Variants in SFMBT2 observed in about 807,000 individuals in gnomAD.
The protein encoded by SFMBT2 is scm-like with four MBT domains protein 2.
In SFMBT2, 38 loss-of-function variants were observed where a neutral mutation model predicts 110.1. That is an observed-to-expected ratio of 0.35 (90% CI 0.27 to 0.45). The LOEUF is 0.45. SFMBT2 is among the 20% of genes least tolerant of loss of function. SFMBT2 has a pLI of 1.00. For synonymous variants in SFMBT2, 425 were observed against 425.4 expected, an observed-to-expected ratio of 1.00 and a Z score of 0.01; for missense variants, 1,011 against 1,094.9, an observed-to-expected ratio of 0.92 and a Z score of 1.08.
intron 4 of SFMBT2, among the ~76,000 whole-genome samples, chr10:7,345,961 T>TA (rs1251684143): frequency 6.6e-6 from 1 of 152,220 alleles, no homozygotes; most frequent in Non-Finnish European, 1.5e-5. Context: ...GACTCTGGAA[T>TA]AACGGGTCAC....
At chr10:7,351,614 A>G (rs1844317263) in intron 4 of SFMBT2, among the ~76,000 whole-genome samples, 1 of 152,232 alleles carries the variant, frequency 6.6e-6, no homozygotes, top group Non-Finnish European at 1.5e-5. Flanking sequence ...TTTCATAAGC[A>G]AATGGCTGAG....
chr10:7,249,983 A>G (rs1370154597), intron 7 of SFMBT2, among the ~76,000 whole-genome samples: 2 of 152,134 alleles, frequency 1.3e-5, no homozygotes, highest in Admixed American at 1.3e-4. Context: ...GGAACTGGCC[A>G]CTCTAAATAT....
intron 9 of SFMBT2, 56 bp downstream of exon 9, chr10:7,243,502 A>G: frequency 1.2e-6 from 1 of 854,840 alleles, no homozygotes; most frequent in South Asian, 1.3e-5. Context: ...TACTTCAATG[A>G]CAGTAAGACA....
At chr10:7,271,018 C>T (rs796654328) in intron 7 of SFMBT2, among the ~76,000 whole-genome samples, 13 of 152,240 alleles carry the variant, frequency 8.5e-5, no homozygotes, top group African/African-American at 3.1e-4. Flanking sequence ...GGCATGGTGG[C>T]TCACGCCTAT....
intron 16 of SFMBT2, 113 bp downstream of exon 16, chr10:7,188,511 C>A: frequency 1.3e-6 from 1 of 773,854 alleles, no homozygotes; most frequent in Admixed American, 2.8e-5. Flanking sequence ...GAACGAACGT[C>A]CTTCAGTTTG....
intron 6 of SFMBT2, 55 bp from the exon 7 acceptor site, chr10:7,277,044 G>A: frequency 1.2e-6 from 1 of 817,012 alleles, no homozygotes; most frequent in Non-Finnish European, 2.2e-6. Context: ...TCTGCCGGGT[G>A]ACTCTTTCCT....
chr10:7,210,639 G>C (rs1228828306), intron 11 of SFMBT2, among the ~76,000 whole-genome samples: 2 of 152,218 alleles, frequency 1.3e-5, no homozygotes, highest in Non-Finnish European at 2.9e-5. Flanking sequence ...AGTGTGAGAT[G>C]AACAGGCAAA....
At position 7,213,514 on chromosome 10, in the gene SFMBT2, G is replaced by T. The variant is rs115970828; in HGVS notation, c.1330+6897C>A. 4.5e-3 allele frequency among the ~76,000 whole-genome samples: 685 copies of T among 152,296 alleles called. 8 individuals are homozygous for T. The highest frequency in any genetic ancestry group is 0.015 in the African/African-American group (642 of 41,562). Reference sequence around the variant, plus strand: ...ATTATTGTAGAGTTTCTAACTTTGAGGATGCCGTGGCTTCCGACTTGGGTG... The same window carrying T: ...ATTATTGTAGAGTTTCTAACTTTGATGATGCCGTGGCTTCCGACTTGGGTG... On this transcript the variant is annotated intron_variant, in intron 11 of 20. Transcript: ENST00000397167.
chr10:7,340,102 T>A (rs751900201), intron 4 of SFMBT2, among the ~76,000 whole-genome samples: 3 of 152,208 alleles, frequency 2.0e-5, no homozygotes, highest in African/African-American at 4.8e-5. Flanking sequence ...CCGGCCTCAA[T>A]CCCAGCATTT....
At chr10:7,375,792 C>CAA (rs1266126258) in intron 2 of SFMBT2, among the ~76,000 whole-genome samples, 1 of 144,146 alleles carries the variant, frequency 6.9e-6, no homozygotes, top group African/African-American at 2.7e-5. Context: ...CACACACACA[C>CAA]ACACACACAA....
At chr10:7,348,291 G>T (rs747393264) in intron 4 of SFMBT2, 9 of 1,525,740 alleles carry the variant, frequency 5.9e-6, no homozygotes, top group African/African-American at 1.4e-5. Context: ...CCTTTTCTAA[G>T]AAATATGTTG....
intron 15 of SFMBT2, among the ~76,000 whole-genome samples, chr10:7,195,079 C>T (rs1328391827): frequency 2.0e-5 from 3 of 152,228 alleles, no homozygotes; most frequent in Non-Finnish European, 4.4e-5. Flanking sequence ...CTCATCCTAT[C>T]ACTCACAACA....
Position 7,171,522 on chromosome 10 carries a change from A to G in SFMBT2, c.2415+373T>C. The G allele has an allele frequency of 1.0e-6, 1 of 985,400 alleles. No individual in the cohort carries two copies. Among genetic ancestry groups the G allele is most frequent in the African/African-American group, 1.7e-5 (1 of 57,354 alleles). The allele number at this position is 985,400 out of a possible 1,614,324, so 61.0% of individuals were successfully genotyped here. A position where few individuals can be genotyped will look rare whatever the true frequency, so the allele number is the denominator to read the frequency against. On this transcript the variant is annotated intron_variant, in intron 19 of 20. Transcript: ENST00000397167. This position sits in a 1 kb window ranked among gnomAD's most constrained non-coding sequence, Gnocchi z 4.9. ...GATTAAATATTTTAAAACATCACAG[A>G]GGTGTCCTATAGAGGGGACGTGGGA...
Position 7,170,776 on chromosome 10 carries a change from G to A in SFMBT2, c.2544+152C>T, listed in dbSNP as rs1837851001. On this transcript the variant is annotated intron_variant, in intron 20 of 20. Transcript: ENST00000397167. The surrounding 1 kb of genome is among the most constrained non-coding windows in gnomAD (Gnocchi z 4.6). Reference sequence around the variant, plus strand: ...GTCCCTGCCAGGCAGCTCTCAGCAGGGGCCTTGGAGGGAGAAGGGTCTCGC... The same window carrying A: ...GTCCCTGCCAGGCAGCTCTCAGCAGAGGCCTTGGAGGGAGAAGGGTCTCGC... 4.8e-6 allele frequency: 4 copies of A among 837,222 alleles called. No homozygotes were observed. The South Asian group carries it at 6.5e-5, about 14-fold the overall frequency. 51.9% of individuals were successfully genotyped at this position (837,222 alleles called of 1,614,324 possible). A position where few individuals can be genotyped will look rare whatever the true frequency, so the allele number is the denominator to read the frequency against.
chr10:7,185,270 C>G (rs78150423), intron 16 of SFMBT2, among the ~76,000 whole-genome samples: 5 of 152,166 alleles, frequency 3.3e-5, no homozygotes, highest in Non-Finnish European at 7.3e-5. Context: ...AAGTTCACCT[C>G]GTGCGTTTTC....
chr10:7,368,275 G>A (rs954285619), intron 3 of SFMBT2: 10 of 917,152 alleles, frequency 1.1e-5, no homozygotes, highest in Middle Eastern at 5.6e-4. Flanking sequence ...TGGACTACAC[G>A]GTTTTCAAGG....
intron 1 of SFMBT2, among the ~76,000 whole-genome samples, chr10:7,388,524 ATTTTTTTTT>A (rs60231769): frequency 8.9e-6 from 1 of 112,094 alleles, no homozygotes; most frequent in African/African-American, 3.6e-5. Context: ...TACCCAGCTA[ATTTTTTTTT>A]TTTTTTTTTT....
At chr10:7,386,059 T>A (rs946662944) in intron 1 of SFMBT2, among the ~76,000 whole-genome samples, 1 of 152,060 alleles carries the variant, frequency 6.6e-6, no homozygotes, top group African/African-American at 2.4e-5. Context: ...CTTTCATAGA[T>A]AAGAGCAAAA....
rs1295605255 is a variant in SFMBT2 at position 7,176,054 on chromosome 10, A to T, written c.1920T>A (p.Phe640Leu). 2 of 1,614,102 alleles carry T rather than the reference A, an allele frequency of 1.2e-6. No individual in the cohort carries two copies. Among genetic ancestry groups the T allele is most frequent in the East Asian group, 4.5e-5 (2 of 44,890 alleles). Reference sequence around the variant, plus strand: ...AGTTTTCAGATATCAGCACAGGACTAAACAAATTTGGACAGCACTCTAGCT... The same window carrying T: ...AGTTTTCAGATATCAGCACAGGACTTAACAAATTTGGACAGCACTCTAGCT... The part of the protein sequence containing the change: ...CAKLECCPNL[F>L]SPVLISENCP... Residue 640 changes from phenylalanine (F) to leucine (L), a missense_variant, in exon 17 of 21, where the codon TTT becomes TTA. This residue lies in a region of SFMBT2 where 979 missense variants were observed against 1,016.1 expected (regional missense o/e 0.96). Coordinates refer to ENST00000397167, the MANE Select transcript of SFMBT2 (RefSeq NM_001387889.1).
Sources: gnomAD v4.1 joint callset for allele counts (sites outside exome capture counted in the v4.1 genomes callset) on GRCh38, gnomAD v4.1.1 for gene constraint, gnomAD v4.1.1 regional missense constraint, Gnocchi (gnomAD v3.1) non-coding constraint, MANE v1.5 for transcripts, NCBI Gene and HGNC (gene_info 2026-07-23, HGNC 2026-07-21) for gene names.